Variants in DNASE1 observed in about 807,000 individuals in gnomAD.
DNASE1 encodes the protein deoxyribonuclease 1.
Under a neutral mutation model 33.9 loss-of-function variants are expected in DNASE1, and 40 were observed. That is an observed-to-expected ratio of 1.18 (90% CI 0.92 to 1.54). The LOEUF is 1.54. Ranked by LOEUF, DNASE1 falls within the 40% of genes most tolerant of loss-of-function variation. The pLI is 0.00. For missense variants in DNASE1, 518 were observed against 372.6 expected, an observed-to-expected ratio of 1.39 and a Z score of -3.21; for synonymous variants, 216 against 160.0, an observed-to-expected ratio of 1.35 and a Z score of -2.64.
upstream of DNASE1, among the ~76,000 whole-genome samples, chr16:3,641,804 C>T (rs2042030500): frequency 6.6e-6 from 1 of 152,174 alleles, no homozygotes; most frequent in African/African-American, 2.4e-5. Context: ...CACATTGCCT[C>T]AGTGTCCTGC....
At chr16:3,640,425 G>A (rs1438602673), upstream of DNASE1, among the ~76,000 whole-genome samples, 1 of 152,206 alleles carries the variant, frequency 6.6e-6, no homozygotes, top group African/African-American at 2.4e-5. Context: ...TTCCCTGCCT[G>A]CGCTGCAGCC....
At chr16:3,613,423 A>G (rs1406048701) in intron 1 of DNASE1, among the ~76,000 whole-genome samples, 1 of 152,198 alleles carries the variant, frequency 6.6e-6, no homozygotes, top group Non-Finnish European at 1.5e-5. Context: ...TAATGCTGCT[A>G]TGAACATTCG....
intron 1 of DNASE1, among the ~76,000 whole-genome samples, chr16:3,632,406 A>T (rs2041727522): frequency 1.3e-5 from 2 of 152,320 alleles, no homozygotes; most frequent in Middle Eastern, 6.8e-3. Context: ...TTAGGCGTAT[A>T]CACATAAGGT....
upstream of DNASE1, chr16:3,640,757 C>G (rs529664534): frequency 2.5e-6 from 1 of 398,508 alleles, no homozygotes; most frequent in Non-Finnish European, 4.4e-6. Context: ...CAAAAGCTTG[C>G]TGAGTGGTAC....
At position 3,657,040 on chromosome 16, in the gene DNASE1, G is replaced by A; in HGVS notation, c.478G>A (p.Gly160Arg). Reference protein sequence around the residue: ...FAIVPLHAAPGDAVAEIDALY... With the variant: ...FAIVPLHAAPRDAVAEIDALY... ...CATTGTTCCCCTGCATGCGGCCCCG[G>A]GGGACGCAGTAGCCGAGATCGACGC... The change falls in exon 6 of 9, where the codon GGG (glycine) becomes AGG (arginine). Residue 160 changes from glycine (G) to arginine (R), a missense_variant. Physicochemically the swap from Gly to Arg is moderately radical, Grantham distance 125 (BLOSUM62 -2). Transcript: ENST00000246949. 8 of 1,613,942 alleles carry A rather than the reference G, an allele frequency of 5.0e-6. No homozygotes were observed. Among genetic ancestry groups the A allele is most frequent in the Non-Finnish European group, 6.8e-6 (8 of 1,180,014 alleles).
intron 1 of DNASE1, among the ~76,000 whole-genome samples, chr16:3,624,954 C>G (rs2041457536): frequency 6.6e-6 from 1 of 152,204 alleles, no homozygotes. Context: ...GCCCCAGCCT[C>G]TCACAGTCTG....
intron 1 of DNASE1, among the ~76,000 whole-genome samples, chr16:3,626,533 C>A (rs1265386267): frequency 6.6e-6 from 1 of 152,114 alleles, no homozygotes; most frequent in Non-Finnish European, 1.5e-5. Context: ...TGTTTTGTGA[C>A]TTTTATGGCT....
chr16:3,627,878 T>G (rs2151172061), intron 1 of DNASE1, among the ~76,000 whole-genome samples: 1 of 147,798 alleles, frequency 6.8e-6, no homozygotes, highest in African/African-American at 2.5e-5. Flanking sequence ...AACATGGTGT[T>G]GGCTATCTGG....
chr16:3,664,470 C>T (rs1596696967), exon 10 of DNASE1: 23 of 1,602,408 alleles, frequency 1.4e-5, no homozygotes, highest in African/African-American at 2.7e-5. Flanking sequence ...CTAGAAGGGA[C>T]GGGGCAGGTC....
chr16:3,661,680 G>C (rs1567219736), downstream of DNASE1: 1 of 326,522 alleles, frequency 3.1e-6, no homozygotes. Flanking sequence ...CACGTACAAA[G>C]CTCAAAACAG....
At chr16:3,658,516 C>T, downstream of DNASE1, 1 of 569,722 alleles carries the variant, frequency 1.8e-6, no homozygotes, top group African/African-American at 1.9e-5. Context: ...AACCCCATCT[C>T]TACTAAAATA....
intron 4 of DNASE1, 145 bp downstream of exon 4, chr16:3,656,330 A>G: frequency 2.2e-6 from 2 of 905,942 alleles, no homozygotes; most frequent in Non-Finnish European, 3.5e-6. Context: ...AAACACCCCA[A>G]GGTCCCGGAC....
rs773927363 is a variant in DNASE1 at position 3,657,009 on chromosome 16, G to GT, written c.450dup (p.Ala151CysfsTer21). 1 of 1,613,680 alleles carries GT rather than the reference G, an allele frequency of 6.2e-7. No individual in the cohort carries two copies. Among genetic ancestry groups the GT allele is most frequent in the Admixed American group, 1.7e-5 (1 of 60,002 alleles). On this transcript the variant is annotated frameshift_variant, in exon 6 of 9. Coordinates refer to ENST00000246949, the MANE Select transcript of DNASE1 (RefSeq NM_005223.4). LOFTEE classifies it high-confidence loss of function. ...TGGCTGTCTCCACAGAGGTCAGGGA[G>GT]TTTGCCATTGTTCCCCTGCATGCGG...
downstream of DNASE1, chr16:3,658,738 G>C (rs1341208752): frequency 8.4e-6 from 13 of 1,542,766 alleles, no homozygotes; most frequent in Admixed American, 1.2e-4. Flanking sequence ...CTGAAGGCAG[G>C]CTGGCAGGGC....
At chr16:3,658,921 C>T, downstream of DNASE1, 1 of 1,571,710 alleles carries the variant, frequency 6.4e-7, no homozygotes, top group Admixed American at 1.7e-5. Context: ...TGTGACCCTC[C>T]CTTCATGTTT....
intron 1 of DNASE1, among the ~76,000 whole-genome samples, chr16:3,644,267 A>C (rs1596614037): frequency 6.6e-6 from 1 of 152,006 alleles, no homozygotes; most frequent in East Asian, 1.9e-4. Context: ...TCTACTAAAA[A>C]TTTTTTAAAA....
chr16:3,629,140 C>G lies in DNASE1; in HGVS notation c.-1358-11575C>G, dbSNP rs979100405. ...TGAGCCGAGATTGCGCCACTGCACT[C>G]CAGCCTGGGCGACAGAGCAAGACTA... On this transcript the variant is annotated intron_variant and NMD_transcript_variant, in intron 1 of 11. Transcript: ENST00000570769. Among the ~76,000 whole-genome samples, 3 of 145,602 alleles carry G rather than the reference C, an allele frequency of 2.1e-5. No homozygotes were observed. The East Asian group carries it at 6.1e-4, about 30-fold the overall frequency.
chr16:3,636,292 T>C (rs774480039), intron 1 of DNASE1, among the ~76,000 whole-genome samples: 5 of 152,250 alleles, frequency 3.3e-5, no homozygotes, highest in Admixed American at 1.3e-4. Context: ...TTTGAGTCTT[T>C]ATCTCTGCTG....
upstream of DNASE1, among the ~76,000 whole-genome samples, chr16:3,640,375 T>C (rs1439279272): frequency 6.6e-6 from 1 of 152,192 alleles, no homozygotes; most frequent in Admixed American, 6.5e-5. Flanking sequence ...CTCTGAACTC[T>C]GTCTTCCCAA....
Sources: allele counts gnomAD v4.1 joint callset (sites outside exome capture counted in the v4.1 genomes callset), GRCh38; gene constraint gnomAD v4.1.1; transcripts MANE v1.5; gene names NCBI Gene and HGNC (gene_info 2026-07-23, HGNC 2026-07-21).